SYNPR: variants seen among roughly 807,000 people sequenced by gnomAD.
SYNPR encodes the protein synaptoporin.
In SYNPR, 23 loss-of-function variants were observed where a neutral mutation model predicts 32.9. The observed-to-expected ratio is 0.70, with a 90% CI of 0.50 to 0.99. The LOEUF (loss-of-function observed/expected upper bound fraction) is 0.99. Ranked by LOEUF, SYNPR falls within the 50% of genes least tolerant of loss-of-function variation. The probability of loss-of-function intolerance (pLI) is 0.00; values close to 1 mark genes in which losing one functional copy is unlikely to be tolerated. For missense variants in SYNPR, 318 were observed against 349.3 expected (o/e 0.91, Z 0.71); for synonymous variants, 146 against 135.9 (o/e 1.07, Z -0.52).
rs1042020383 is a variant in SYNPR at position 63,286,659 on chromosome 3, A to G, written c.84+7917A>G. On this transcript the variant is annotated intron_variant, in intron 2 of 5. Transcript: ENST00000478300. Reference sequence around the variant, plus strand: ...CTCTAAGGAGTATGTGCACAGAACCACGGTCTTCCTTTGAGTCTTCATCTT... The same window carrying G: ...CTCTAAGGAGTATGTGCACAGAACCGCGGTCTTCCTTTGAGTCTTCATCTT... Among the ~76,000 whole-genome samples, 3 of 152,216 alleles carry G rather than the reference A, an allele frequency of 2.0e-5. No individual in the cohort carries two copies. In the South Asian group the frequency reaches 6.2e-4, roughly 31 times the overall value.
intron 2 of SYNPR, among the ~76,000 whole-genome samples, chr3:63,389,339 C>T (rs555901710): frequency 1.1e-4 from 17 of 152,304 alleles, no homozygotes; most frequent in South Asian, 8.3e-4. Flanking sequence ...TTAGGGTCAA[C>T]GTATCTGCAG....
intron 2 of SYNPR, among the ~76,000 whole-genome samples, chr3:63,345,458 G>A (rs13060890): frequency 0.21 from 31,673 of 152,112 alleles, 3,799 homozygotes; most frequent in South Asian, 0.39. Context: ...TGGGCCTGTC[G>A]GGCTGCAGAA....
intron 2 of SYNPR, among the ~76,000 whole-genome samples, chr3:63,302,258 C>A (rs1329698349): frequency 6.6e-6 from 1 of 151,928 alleles, no homozygotes; most frequent in African/African-American, 2.4e-5. Flanking sequence ...CATTGTTTCC[C>A]GATATAAACT....
At chr3:63,287,438 C>T (rs145565378) in intron 2 of SYNPR, among the ~76,000 whole-genome samples, 3 of 152,072 alleles carry the variant, frequency 2.0e-5, no homozygotes, top group African/African-American at 7.2e-5. Context: ...CTTCTGACGG[C>T]TCCCAGACCA....
chr3:63,279,031 C>G (rs555370512), intron 2 of SYNPR, among the ~76,000 whole-genome samples: 1 of 152,136 alleles, frequency 6.6e-6, no homozygotes, highest in South Asian at 2.1e-4. Context: ...AGAAACCTCC[C>G]CCTTGGGAGA....
chr3:63,459,932 C>A (rs1300658614), intron 2 of SYNPR, among the ~76,000 whole-genome samples: 3 of 152,016 alleles, frequency 2.0e-5, no homozygotes, highest in Admixed American at 6.6e-5. Context: ...TAAATCCTGT[C>A]CATTTTCCCT....
At chr3:63,285,632 T>C (rs2086673467) in intron 2 of SYNPR, among the ~76,000 whole-genome samples, 1 of 152,180 alleles carries the variant, frequency 6.6e-6, no homozygotes, top group Admixed American at 6.5e-5. Context: ...GATGGATTCA[T>C]CACTTAATGC....
At chr3:63,488,812 G>T (rs1476907209) in intron 3 of SYNPR, among the ~76,000 whole-genome samples, 2 of 152,106 alleles carry the variant, frequency 1.3e-5, no homozygotes, top group Non-Finnish European at 2.9e-5. Flanking sequence ...CATTTGTAGG[G>T]AATGTCTTGG....
In SYNPR at chr3:63,499,298, G is replaced by A. The variant is rs147022546; in HGVS notation, c.209+18342G>A. 1.8e-4 allele frequency among the ~76,000 whole-genome samples: 27 copies of A among 152,268 alleles called. No individual in the cohort carries two copies. The East Asian group carries it at 5.0e-3, about 28-fold the overall frequency. ...GGAAGGATGATGGTGGGAGGTTGGT[G>A]GGATATCAGTTGGTTGTTCTATTTT... On this transcript the variant is annotated intron_variant, in intron 3 of 5. Coordinates refer to ENST00000478300, the MANE Select transcript of SYNPR (RefSeq NM_001130003.2).
intron 2 of SYNPR, among the ~76,000 whole-genome samples, chr3:63,414,356 A>T (rs965655326): frequency 3.3e-5 from 5 of 152,074 alleles, no homozygotes; most frequent in Non-Finnish European, 7.3e-5. Flanking sequence ...TACTTTTTGG[A>T]GTTTTATTAG....
intron 4 of SYNPR, among the ~76,000 whole-genome samples, chr3:63,595,772 TTTATATATATATAGTTATATATATATAG>T (rs1428368283): frequency 3.7e-5 from 2 of 54,644 alleles, no homozygotes; most frequent in African/African-American, 9.6e-5. Flanking sequence ...TATATATAAT[TTTATATATATATAGTTATATATATATAG>T]TTATATATAT....
rs1182853454 is a variant in SYNPR, at chr3:63,297,587, C to T, written c.84+18845C>T. ...GTTATGTGATACAAAGAAATAGTTTCATCAAGGTTTAGCTATCAGAAAAGC... is the reference window on the plus strand; with the variant it reads ...GTTATGTGATACAAAGAAATAGTTTTATCAAGGTTTAGCTATCAGAAAAGC... On this transcript the variant is annotated intron_variant, in intron 2 of 5. Coordinates refer to ENST00000478300, the MANE Select transcript of SYNPR (RefSeq NM_001130003.2). 2.6e-5 allele frequency among the ~76,000 whole-genome samples: 4 copies of T among 152,304 alleles called. No homozygotes were observed. In the East Asian group the frequency reaches 7.7e-4, roughly 29 times the overall value.
At position 63,442,974 on chromosome 3, in the gene SYNPR, A is replaced by G. The variant is rs112639779; in HGVS notation, c.85-37858A>G. 1.4e-4 allele frequency: 137 copies of G among 979,294 alleles called. No individual in the cohort carries two copies. The African/African-American group carries it at 1.7e-3, about 12-fold the overall frequency. The allele number at this position is 979,294 out of a possible 1,614,324, so 60.7% of individuals were successfully genotyped here. ...TTAAAACACAAAATTCTGGCTTTAA[A>G]AAAATCTCCTAGTTTGTTTTTAAGC... On this transcript the variant is annotated intron_variant, in intron 2 of 5. Coordinates refer to ENST00000478300, the MANE Select transcript of SYNPR (RefSeq NM_001130003.2).
chr3:63,324,926 T>C (rs1244687864), intron 2 of SYNPR, among the ~76,000 whole-genome samples: 1 of 152,092 alleles, frequency 6.6e-6, no homozygotes, highest in African/African-American at 2.4e-5. Flanking sequence ...TGTTTTCCTA[T>C]GAACATATCA....
intron 2 of SYNPR, among the ~76,000 whole-genome samples, chr3:63,434,297 G>A (rs1700042370): frequency 6.6e-6 from 1 of 152,210 alleles, no homozygotes; most frequent in South Asian, 2.1e-4. Context: ...TATCTTGCCT[G>A]TAGCTTTAGG....
At chr3:63,507,675 T>C (rs945405672) in intron 3 of SYNPR, among the ~76,000 whole-genome samples, 14 of 152,160 alleles carry the variant, frequency 9.2e-5, no homozygotes, top group African/African-American at 3.4e-4. Flanking sequence ...TTGAATAAAG[T>C]CTGTAGTTCA....
rs191290123 is a variant in SYNPR, at chr3:63,387,611, A to T, written c.85-93221A>T. On this transcript the variant is annotated intron_variant, in intron 2 of 5. Transcript: ENST00000478300. Reference sequence around the variant, plus strand: ...TTCAGAATTTGGAAAATGGGTAGTGAAAGGCAGAGTGGGAAAGAATATAGG... The same window carrying T: ...TTCAGAATTTGGAAAATGGGTAGTGTAAGGCAGAGTGGGAAAGAATATAGG... Among the ~76,000 whole-genome samples, 979 of 152,316 alleles carry T rather than the reference A, an allele frequency of 6.4e-3. 10 individuals are homozygous for T. Among genetic ancestry groups the T allele is most frequent in the African/African-American group, 0.022 (899 of 41,566 alleles).
intron 2 of SYNPR, among the ~76,000 whole-genome samples, chr3:63,254,368 A>T (rs565456392): frequency 6.6e-6 from 1 of 152,298 alleles, no homozygotes; most frequent in East Asian, 1.9e-4. Flanking sequence ...CAGCACTTTT[A>T]AAACTGTAGG....
In SYNPR at chr3:63,489,787, G is replaced by A. The variant is rs1018866990; in HGVS notation, c.209+8831G>A. On this transcript the variant is annotated intron_variant, in intron 3 of 5. Coordinates refer to ENST00000478300, the MANE Select transcript of SYNPR (RefSeq NM_001130003.2). ...ATGAAGAAAATGAATATTGTGCAGA[G>A]AAGTAAAATAAGAATTAGTGGGAGT... 3.3e-5 allele frequency among the ~76,000 whole-genome samples: 5 copies of A among 152,180 alleles called. No individual in the cohort carries two copies. The East Asian group carries it at 9.6e-4, about 29-fold the overall frequency.
Sources: gnomAD v4.1 joint callset for allele counts (sites outside exome capture counted in the v4.1 genomes callset) on GRCh38, gnomAD v4.1.1 for gene constraint, MANE v1.5 for transcripts, NCBI Gene and HGNC (gene_info 2026-07-23, HGNC 2026-07-21) for gene names.